The following ROBO2 variants were observed in gnomAD, a reference collection of about 807,000 sequenced individuals.
The protein encoded by ROBO2 is roundabout guidance receptor 2.
Under a neutral mutation model 160.8 loss-of-function variants are expected in ROBO2, and 53 were observed. The ratio of observed to expected loss-of-function variants is 0.33; its 90% CI spans 0.26 to 0.41. The LOEUF (loss-of-function observed/expected upper bound fraction) is 0.41, where lower values mean the gene tolerates loss of function less well. Among genes scored for constraint, ROBO2 ranks in the 10% least tolerant of loss-of-function variants. The pLI is 1.00. For synonymous variants in ROBO2, 664 were observed against 611.7 expected, an observed-to-expected ratio of 1.09 and a Z score of -1.26; for missense variants, 1,577 against 1,722.4, an observed-to-expected ratio of 0.92 and a Z score of 1.49.
chr3:76,788,568 G>A (rs1488407167), intron 2 of ROBO2, among the ~76,000 whole-genome samples: 1 of 151,458 alleles, frequency 6.6e-6, no homozygotes, highest in African/African-American at 2.4e-5. Context: ...GGACTTTTAT[G>A]ATAAGAAATT....
chr3:76,803,646 T>C (rs538521091), intron 2 of ROBO2, among the ~76,000 whole-genome samples: 27 of 152,326 alleles, frequency 1.8e-4, no homozygotes, highest in Admixed American at 1.3e-3. Context: ...TTATTCAGGA[T>C]TACTCACTTG....
chr3:76,285,601 G>A (rs987099091), intron 2 of ROBO2, among the ~76,000 whole-genome samples: 2 of 152,026 alleles, frequency 1.3e-5, no homozygotes, highest in African/African-American at 2.4e-5. Flanking sequence ...TTACATTACA[G>A]CAACTTAATT....
At chr3:77,152,491 CT>C (rs1270367058) in intron 2 of ROBO2, among the ~76,000 whole-genome samples, 1 of 152,218 alleles carries the variant, frequency 6.6e-6, no homozygotes, top group East Asian at 1.9e-4. Flanking sequence ...CCACCGCTGA[CT>C]GTGGCCACCA....
At chr3:77,123,639 G>A (rs2074997487) in intron 2 of ROBO2, among the ~76,000 whole-genome samples, 1 of 151,494 alleles carries the variant, frequency 6.6e-6, no homozygotes, top group Admixed American at 6.6e-5. Context: ...ATTCTAGAGA[G>A]TGGACAAGAA....
At position 76,631,506 on chromosome 3, in the gene ROBO2, G is replaced by A. The variant is rs551261011; in HGVS notation, c.110-466508G>A. On this transcript the variant is annotated intron_variant, in intron 2 of 26. Coordinates refer to the ROBO2 transcript ENST00000487694. ...CACAGCATTTGAGATGGATCAAAGAGGGTATTATTCAAGTTCTGAATCTGG... is the reference window on the plus strand; with the variant it reads ...CACAGCATTTGAGATGGATCAAAGAAGGTATTATTCAAGTTCTGAATCTGG... Among the ~76,000 whole-genome samples, 8 of 152,220 alleles carry A rather than the reference G, an allele frequency of 5.3e-5. No homozygotes were observed. The South Asian group carries it at 1.5e-3, about 28-fold the overall frequency.
At chr3:76,950,881 C>A (rs2078913054) in intron 2 of ROBO2, among the ~76,000 whole-genome samples, 1 of 152,114 alleles carries the variant, frequency 6.6e-6, no homozygotes, top group African/African-American at 2.4e-5. Context: ...TGCACACCAC[C>A]ACACCGGGCT....
intron 2 of ROBO2, among the ~76,000 whole-genome samples, chr3:77,114,866 T>A (rs2074043929): frequency 6.6e-6 from 1 of 152,160 alleles, no homozygotes; most frequent in Non-Finnish European, 1.5e-5. Context: ...ACCAAAACAT[T>A]TTCACCCAAA....
At chr3:76,992,325 CTATATATATATA>C (rs10530833) in intron 2 of ROBO2, among the ~76,000 whole-genome samples, 1,267 of 46,828 alleles carry the variant, frequency 0.027, 22 homozygotes, top group African/African-American at 0.093. Context: ...CCATGTATTA[CTATATATATATA>C]TATATATATA....
intron 1 of ROBO2, among the ~76,000 whole-genome samples, chr3:77,087,778 A>G (rs1356880548): frequency 6.6e-6 from 1 of 152,058 alleles, no homozygotes; most frequent in African/African-American, 2.4e-5. Context: ...ACATGTATAT[A>G]TACATATATG....
intron 2 of ROBO2, among the ~76,000 whole-genome samples, chr3:75,994,409 A>T (rs2065667127): frequency 6.6e-6 from 1 of 152,168 alleles, no homozygotes; most frequent in Admixed American, 6.5e-5. Flanking sequence ...ACCCAGTGGG[A>T]GGTAACTGAA....
intron 2 of ROBO2, among the ~76,000 whole-genome samples, chr3:76,010,680 G>A (rs1226400913): frequency 2.6e-5 from 4 of 152,314 alleles, no homozygotes; most frequent in African/African-American, 9.6e-5. Context: ...ATTAAGAAAT[G>A]TAGTTTAAAA....
At chr3:77,026,140 C>A (rs2062950149) in intron 2 of ROBO2, among the ~76,000 whole-genome samples, 1 of 152,104 alleles carries the variant, frequency 6.6e-6, no homozygotes. Context: ...TCCTTCAATA[C>A]TATAGGTTTT....
At chr3:76,785,014 C>A (rs754923584) in intron 2 of ROBO2, among the ~76,000 whole-genome samples, 22 of 151,098 alleles carry the variant, frequency 1.5e-4, no homozygotes, top group Admixed American at 3.3e-4. Context: ...TACTTTGGGA[C>A]CTCTTTAAAG....
intron 2 of ROBO2, among the ~76,000 whole-genome samples, chr3:76,193,982 G>C (rs1702127367): frequency 6.6e-6 from 1 of 151,970 alleles, no homozygotes; most frequent in Admixed American, 6.6e-5. Flanking sequence ...AACAGTTCAA[G>C]TTCTCACAGC....
chr3:76,199,938 G>A (rs1702442583), intron 2 of ROBO2, among the ~76,000 whole-genome samples: 1 of 152,120 alleles, frequency 6.6e-6, no homozygotes, highest in Non-Finnish European at 1.5e-5. Context: ...GACTGTCTCT[G>A]TATAGCAAAC....
chr3:75,942,300 T>C (rs4095546), intron 2 of ROBO2, among the ~76,000 whole-genome samples: 78,895 of 151,832 alleles, frequency 0.52, 20,785 homozygotes, highest in African/African-American at 0.6. Context: ...GATAATTGAA[T>C]ATTGCTTCGA....
At chr3:76,201,002 T>G (rs1381562192) in intron 2 of ROBO2, among the ~76,000 whole-genome samples, 1 of 152,140 alleles carries the variant, frequency 6.6e-6, no homozygotes, top group Non-Finnish European at 1.5e-5. Flanking sequence ...ACTTTCCACT[T>G]TAAACATTCG....
intron 2 of ROBO2, among the ~76,000 whole-genome samples, chr3:76,541,269 A>G (rs2082800742): frequency 1.3e-5 from 2 of 152,192 alleles, no homozygotes; most frequent in Non-Finnish European, 2.9e-5. Flanking sequence ...CAAAGGGGTT[A>G]ACATCTAATA....
At chr3:77,295,872 A>T (rs965563870) in intron 2 of ROBO2, among the ~76,000 whole-genome samples, 1 of 148,852 alleles carries the variant, frequency 6.7e-6, no homozygotes, top group Non-Finnish European at 1.5e-5. Flanking sequence ...ATCACCCCAG[A>T]CACAAAGTAA....
Sources: gnomAD v4.1 joint callset for allele counts (sites outside exome capture counted in the v4.1 genomes callset) on GRCh38, gnomAD v4.1.1 for gene constraint, MANE v1.5 for transcripts, NCBI Gene and HGNC (gene_info 2026-07-23, HGNC 2026-07-21) for gene names.